The following EFCAB13 variants were observed in gnomAD, a reference collection of about 807,000 sequenced individuals.
The protein encoded by EFCAB13 is EF-hand calcium binding domain 13.
A neutral mutation model predicts 110.2 loss-of-function variants in EFCAB13; 91 were observed. The observed-to-expected ratio is 0.83, with a 90% CI of 0.70 to 0.98. The LOEUF is 0.98. EFCAB13 is among the 50% of genes least tolerant of loss of function. EFCAB13 has a pLI of 0.00. For missense variants in EFCAB13, 968 were observed against 1,119.4 expected (o/e 0.86, Z 1.93); for synonymous variants, 323 against 369.9 (o/e 0.87, Z 1.45).
At chr17:47,418,201 A>G (rs1245277581) in intron 23 of EFCAB13, among the ~76,000 whole-genome samples, 1 of 152,186 alleles carries the variant, frequency 6.6e-6, no homozygotes, top group Non-Finnish European at 1.5e-5. Flanking sequence ...CTTTATGGAT[A>G]AGGGCAGTCC....
rs190776540 is a variant in EFCAB13, at chr17:47,374,722, T to C, written c.1128T>C (p.Ser376=). Residue 376 remains serine (S), a synonymous_variant, in exon 12 of 25, where the codon AGT becomes AGC. Transcript: ENST00000331493. ...IRKFLGGVGS[S]NVGVQEPYSK... ...AATTTCTGGGTGGGGTTGGCAGCAG[T>C]AATGTAGGAGTCCAAGAACCATATT... 8 of 1,614,000 alleles carry C rather than the reference T, an allele frequency of 5.0e-6. No individual in the cohort carries two copies. In the African/African-American group the frequency reaches 8.0e-5, roughly 16 times the overall value.
intron 21 of EFCAB13, among the ~76,000 whole-genome samples, chr17:47,411,749 G>C (rs1227761579): frequency 6.6e-6 from 1 of 152,142 alleles, no homozygotes; most frequent in African/African-American, 2.4e-5. Context: ...TGGAAACATA[G>C]ACAACTTCAT....
intron 10 of EFCAB13, among the ~76,000 whole-genome samples, chr17:47,365,887 G>A (rs2065542824): frequency 6.6e-6 from 1 of 152,082 alleles, no homozygotes; most frequent in East Asian, 1.9e-4. Flanking sequence ...TTTGGTCAAG[G>A]TATTGATTTA....
intron 10 of EFCAB13, among the ~76,000 whole-genome samples, chr17:47,365,043 C>T (rs1374282431): frequency 6.6e-6 from 1 of 152,178 alleles, no homozygotes; most frequent in Non-Finnish European, 1.5e-5. Flanking sequence ...GATGTTTTCC[C>T]AGACCTCTCT....
chr17:47,434,598 G>C (rs1905179132), intron 24 of EFCAB13, among the ~76,000 whole-genome samples: 1 of 152,094 alleles, frequency 6.6e-6, no homozygotes, highest in Non-Finnish European at 1.5e-5. Flanking sequence ...GCAAGACTAA[G>C]CAAAAAGAAC....
intron 9 of EFCAB13, among the ~76,000 whole-genome samples, chr17:47,356,089 A>G (rs1598730810): frequency 6.7e-6 from 1 of 149,302 alleles, no homozygotes; most frequent in South Asian, 2.1e-4. Flanking sequence ...AGATTTTCCC[A>G]TACATATCCT....
intron 9 of EFCAB13, among the ~76,000 whole-genome samples, chr17:47,351,314 C>T (rs62074458): frequency 0.66 from 83,463 of 127,066 alleles, 25,170 homozygotes; most frequent in Middle Eastern, 0.72. Context: ...TGCGCGCGCG[C>T]GCGCGCGCGC....
intron 5 of EFCAB13, among the ~76,000 whole-genome samples, chr17:47,337,673 G>A (rs561066876): frequency 9.2e-5 from 14 of 152,246 alleles, no homozygotes; most frequent in Middle Eastern, 3.4e-3. Flanking sequence ...GTTGAGGACT[G>A]CAGCCTGGGA....
chr17:47,357,647 T>C (rs1183096151), intron 9 of EFCAB13, among the ~76,000 whole-genome samples: 1 of 152,170 alleles, frequency 6.6e-6, no homozygotes, highest in East Asian at 1.9e-4. Context: ...ACTCCTAACC[T>C]CAGGTGATCC....
chr17:47,396,946 AATAG>A (rs2065741507), intron 17 of EFCAB13, among the ~76,000 whole-genome samples: 2 of 152,214 alleles, frequency 1.3e-5, no homozygotes, highest in Admixed American at 1.3e-4. Flanking sequence ...CACAGAAAGT[AATAG>A]ATAGCATTTA....
chr17:47,392,776 A>G (rs190180154), intron 15 of EFCAB13, among the ~76,000 whole-genome samples: 1 of 152,336 alleles, frequency 6.6e-6, no homozygotes, highest in Admixed American at 6.5e-5. Flanking sequence ...AAACAAAGGG[A>G]AGAAAAATTT....
At chr17:47,360,246 T>G (rs1255772231) in intron 9 of EFCAB13, among the ~76,000 whole-genome samples, 10 of 152,280 alleles carry the variant, frequency 6.6e-5, no homozygotes, top group Admixed American at 5.2e-4. Context: ...CCACCAACAG[T>G]GTAAAAGTGT....
intron 23 of EFCAB13, among the ~76,000 whole-genome samples, chr17:47,423,823 C>T (rs973767628): frequency 3.9e-5 from 6 of 152,100 alleles, no homozygotes; most frequent in African/African-American, 1.4e-4. Flanking sequence ...ACCTTACCCT[C>T]CTGCTGAGCT....
chr17:47,326,091 G>A (rs1030456590), intron 2 of EFCAB13, 135 bp from the exon 3 acceptor site: 1 of 151,316 alleles, frequency 6.6e-6, no homozygotes, highest in Non-Finnish European at 1.5e-5. Context: ...TGGAGAAAAG[G>A]GATACGACTC....
chr17:47,355,748 T>G (rs1442764608), intron 9 of EFCAB13, among the ~76,000 whole-genome samples: 1 of 151,972 alleles, frequency 6.6e-6, no homozygotes, highest in Non-Finnish European at 1.5e-5. Context: ...AATTTTTGTA[T>G]TTTTAGTAGA....
intron 18 of EFCAB13, among the ~76,000 whole-genome samples, chr17:47,403,492 G>A (rs140688022): frequency 6.6e-6 from 1 of 152,156 alleles, no homozygotes; most frequent in Admixed American, 6.5e-5. Flanking sequence ...AAGGAAAACT[G>A]AATGAGCCCT....
chr17:47,411,299 G>A (rs2065833203), intron 21 of EFCAB13, among the ~76,000 whole-genome samples: 1 of 152,032 alleles, frequency 6.6e-6, no homozygotes, highest in Non-Finnish European at 1.5e-5. Context: ...GGCTCTATTT[G>A]CTTTTGCATT....
intron 10 of EFCAB13, among the ~76,000 whole-genome samples, chr17:47,363,499 G>A (rs140765575): frequency 5.3e-5 from 8 of 150,682 alleles, no homozygotes; most frequent in South Asian, 2.1e-4. Flanking sequence ...ACGTTCAAGT[G>A]TGGAAAGAGT....
intron 10 of EFCAB13, among the ~76,000 whole-genome samples, chr17:47,366,534 G>A (rs923604719): frequency 5.9e-5 from 9 of 152,094 alleles, no homozygotes; most frequent in African/African-American, 2.2e-4. Context: ...CTCACAGTAG[G>A]TAGCTGCATT....
Sources: allele counts gnomAD v4.1 joint callset (sites outside exome capture counted in the v4.1 genomes callset), GRCh38; gene constraint gnomAD v4.1.1; transcripts MANE v1.5; gene names NCBI Gene and HGNC (gene_info 2026-07-23, HGNC 2026-07-21).